PACRG: variants seen among roughly 807,000 people sequenced by gnomAD.
The protein encoded by PACRG is parkin coregulated.
A neutral mutation model predicts 29.7 loss-of-function variants in PACRG; 29 were observed. That is an observed-to-expected ratio of 0.98 (90% CI 0.73 to 1.33). The LOEUF (loss-of-function observed/expected upper bound fraction) is 1.33, where lower values mean the gene tolerates loss of function less well. Among genes scored for constraint, PACRG ranks in the 40% most tolerant of loss-of-function variants. The pLI is 0.00. For synonymous variants in PACRG, 116 were observed against 118.7 expected (o/e 0.98, Z 0.15); for missense variants, 279 against 316.2 (o/e 0.88, Z 0.89).
chr6:163,111,763 T>C (rs73786970), intron 4 of PACRG, among the ~76,000 whole-genome samples: 7,137 of 152,278 alleles, frequency 0.047, 586 homozygotes, highest in African/African-American at 0.16. Context: ...ATTGCTCTTG[T>C]CTTTTCTATT....
chr6:163,188,132 G>A (rs939014944), intron 4 of PACRG, among the ~76,000 whole-genome samples: 7 of 152,128 alleles, frequency 4.6e-5, no homozygotes, highest in Non-Finnish European at 1.0e-4. Context: ...TGTGATCTGT[G>A]CAAATAGAGT....
At chr6:163,011,427 G>A (rs531276705) in intron 2 of PACRG, among the ~76,000 whole-genome samples, 59 of 152,190 alleles carry the variant, frequency 3.9e-4, no homozygotes, top group Non-Finnish European at 1.5e-4. Flanking sequence ...AAAAGGTGCA[G>A]TGAAAATGTA....
At chr6:163,013,846 A>G (rs141269024) in intron 2 of PACRG, among the ~76,000 whole-genome samples, 14 of 150,964 alleles carry the variant, frequency 9.3e-5, no homozygotes, top group African/African-American at 3.5e-4. Flanking sequence ...TAATTGCTTT[A>G]AAATTAGTTT....
At chr6:163,239,062 G>C (rs750253223) in intron 4 of PACRG, among the ~76,000 whole-genome samples, 1 of 152,148 alleles carries the variant, frequency 6.6e-6, no homozygotes, top group Non-Finnish European at 1.5e-5. Context: ...TGAAAGAAGC[G>C]TTTCAAAGTT....
intron 2 of PACRG, among the ~76,000 whole-genome samples, chr6:162,986,575 G>C (rs940914049): frequency 6.6e-6 from 1 of 152,066 alleles, no homozygotes; most frequent in African/African-American, 2.4e-5. Flanking sequence ...ATAGATCAAA[G>C]ACTTAAATCT....
At chr6:163,191,601 C>T (rs538879348) in intron 4 of PACRG, 20 of 455,294 alleles carry the variant, frequency 4.4e-5, no homozygotes, top group African/African-American at 3.6e-4. Flanking sequence ...GATACACTCA[C>T]GAGCTGAGAC....
chr6:162,763,347 G>T (rs1782528875), intron 1 of PACRG, among the ~76,000 whole-genome samples: 1 of 152,112 alleles, frequency 6.6e-6, no homozygotes, highest in African/African-American at 2.4e-5. Context: ...ACCGCTGTCA[G>T]GTCACCTGTC....
intron 2 of PACRG, among the ~76,000 whole-genome samples, chr6:162,894,897 C>A (rs1485897033): frequency 1.3e-5 from 2 of 151,998 alleles, no homozygotes; most frequent in East Asian, 1.9e-4. Context: ...TTGCTAAAGG[C>A]ATTTATTAAA....
intron 4 of PACRG, among the ~76,000 whole-genome samples, chr6:163,181,726 GT>G (rs972808237): frequency 6.6e-6 from 1 of 151,672 alleles, no homozygotes; most frequent in African/African-American, 2.4e-5. Flanking sequence ...GTAGTTTGGG[GT>G]TTTTTCTCAT....
At chr6:163,023,069 T>C (rs1806787740) in intron 2 of PACRG, among the ~76,000 whole-genome samples, 1 of 152,212 alleles carries the variant, frequency 6.6e-6, no homozygotes, top group African/African-American at 2.4e-5. Flanking sequence ...CTTGGGCAAT[T>C]GTCTTCTTTT....
Position 162,803,449 on chromosome 6 carries a change from A to C in PACRG, c.157-10698A>C, listed in dbSNP as rs555721432. 3.9e-5 allele frequency among the ~76,000 whole-genome samples: 6 copies of C among 152,330 alleles called. No individual in the cohort carries two copies. In the South Asian group the frequency reaches 1.2e-3, roughly 32 times the overall value. ...TTAAGTAGATGAGAGATATGATTTA[A>C]TTAGTCTATTAGAATATTCATTGTG... On this transcript the variant is annotated intron_variant, in intron 1 of 4. Transcript: ENST00000366888.
At chr6:163,235,176 G>A (rs1290822408) in intron 4 of PACRG, among the ~76,000 whole-genome samples, 3 of 152,048 alleles carry the variant, frequency 2.0e-5, no homozygotes, top group African/African-American at 7.2e-5. Context: ...GGGAGTTGTG[G>A]GCATGACTCG....
chr6:162,872,772 G>A (rs1217587259), intron 2 of PACRG, among the ~76,000 whole-genome samples: 2 of 152,014 alleles, frequency 1.3e-5, no homozygotes, highest in African/African-American at 4.8e-5. Context: ...CCATCCCACC[G>A]CTGCTCAAGG....
At chr6:163,274,181 T>G (rs1349575726) in intron 4 of PACRG, among the ~76,000 whole-genome samples, 1 of 152,142 alleles carries the variant, frequency 6.6e-6, no homozygotes, top group Non-Finnish European at 1.5e-5. Flanking sequence ...CCCTCCCCGC[T>G]CCCTCCACCC....
At chr6:162,819,615 A>C (rs191399447) in intron 2 of PACRG, among the ~76,000 whole-genome samples, 6 of 152,298 alleles carry the variant, frequency 3.9e-5, no homozygotes, top group African/African-American at 9.6e-5. Context: ...TTTCTGGTTT[A>C]TTCACTCACT....
At chr6:163,272,597 C>A (rs13197790) in intron 4 of PACRG, among the ~76,000 whole-genome samples, 1 of 151,856 alleles carries the variant, frequency 6.6e-6, no homozygotes, top group African/African-American at 2.4e-5. Flanking sequence ...AGTGAAGATA[C>A]TGGTGAGGGT....
At chr6:163,054,525 C>G (rs895055337) in intron 2 of PACRG, among the ~76,000 whole-genome samples, 13 of 152,200 alleles carry the variant, frequency 8.5e-5, no homozygotes, top group Non-Finnish European at 2.9e-5. Context: ...CGAAGAGTCC[C>G]TAAGGAGGAA....
At chr6:162,778,215 C>T (rs1336656661) in intron 1 of PACRG, among the ~76,000 whole-genome samples, 5 of 152,068 alleles carry the variant, frequency 3.3e-5, no homozygotes, top group Non-Finnish European at 7.3e-5. Context: ...GTGATTGTGG[C>T]GTTGGTTCTG....
In PACRG at chr6:163,021,771, A is replaced by T. The variant is rs1355551664; in HGVS notation, c.292-40379A>T. On this transcript the variant is annotated intron_variant, in intron 2 of 4. Coordinates refer to ENST00000366888, the MANE Select transcript of PACRG (RefSeq NM_001080379.2). Reference sequence around the variant, plus strand: ...CAGTTCCCCAAGGCCACCATTCACCATGGTTTCCATCATGGTCCCCTGCCT... The same window carrying T: ...CAGTTCCCCAAGGCCACCATTCACCTTGGTTTCCATCATGGTCCCCTGCCT... 2.0e-5 allele frequency among the ~76,000 whole-genome samples: 3 copies of T among 151,964 alleles called. No homozygotes were observed. In the South Asian group the frequency reaches 6.2e-4, roughly 32 times the overall value.
Sources: gnomAD v4.1 joint callset for allele counts (sites outside exome capture counted in the v4.1 genomes callset) on GRCh38, gnomAD v4.1.1 for gene constraint, MANE v1.5 for transcripts, NCBI Gene and HGNC (gene_info 2026-07-23, HGNC 2026-07-21) for gene names.